Variants in CMIP observed in about 807,000 individuals in gnomAD.
The protein encoded by CMIP is c-Maf inducing protein.
CMIP carries 13 observed loss-of-function variants against 97.3 expected under a neutral mutation model. That is an observed-to-expected ratio of 0.13 (90% CI 0.09 to 0.21). The LOEUF (loss-of-function observed/expected upper bound fraction) is 0.21. CMIP is among the 10% of genes least tolerant of loss of function. The pLI is 1.00. For synonymous variants in CMIP, 538 were observed against 436.3 expected (o/e 1.23, Z -2.91); for missense variants, 847 against 1,024.9 (o/e 0.83, Z 2.37).
At chr16:81,691,109 C>T (rs77319841) in intron 10 of CMIP, among the ~76,000 whole-genome samples, 4,207 of 152,286 alleles carry the variant, frequency 0.028, 100 homozygotes, top group African/African-American at 0.061. Flanking sequence ...AAGCCCCCTA[C>T]ATTAGTTTGC....
At chr16:81,610,421 A>G (rs1597143697) in intron 2 of CMIP, 1 of 986,002 alleles carries the variant, frequency 1.0e-6, no homozygotes. Context: ...GGAGAGGAGG[A>G]AGCAGAGGAA....
Position 81,707,005 on chromosome 16 carries a change from C to A in CMIP, c.2198-9C>A, listed in dbSNP as rs1908227356. The A allele has an allele frequency of 6.2e-7, 1 of 1,613,094 alleles. No homozygotes were observed. The highest frequency in any genetic ancestry group is 1.3e-5 in the African/African-American group (1 of 74,912). ...GCTCTCCTAACAACTGTATCTGTCTCTTGTGCAGCCATGAAGAGTCTCTGC... is the reference window on the plus strand; with the variant it reads ...GCTCTCCTAACAACTGTATCTGTCTATTGTGCAGCCATGAAGAGTCTCTGC... On this transcript the variant is annotated splice_polypyrimidine_tract_variant and intron_variant, in intron 19 of 20. Transcript: ENST00000537098.
intron 1 of CMIP, among the ~76,000 whole-genome samples, chr16:81,484,939 A>G (rs898969): frequency 0.74 from 111,446 of 151,456 alleles, 41,094 homozygotes; most frequent in East Asian, 0.88. Flanking sequence ...TCCTCCTCCT[A>G]CCCCTGAAAA....
intron 1 of CMIP, among the ~76,000 whole-genome samples, chr16:81,578,803 T>TC (rs1216008555): frequency 1.3e-5 from 2 of 152,198 alleles, no homozygotes; most frequent in Admixed American, 6.5e-5. Flanking sequence ...TCGGAAAAGT[T>TC]CCATGGCAGA....
chr16:81,657,228 T>C (rs1219369537), intron 4 of CMIP, among the ~76,000 whole-genome samples: 3 of 152,184 alleles, frequency 2.0e-5, no homozygotes, highest in East Asian at 1.9e-4. Context: ...AGTCAGTTGC[T>C]AGAATTTGAA....
At chr16:81,472,034 G>A (rs557028468) in intron 1 of CMIP, among the ~76,000 whole-genome samples, 87 of 152,270 alleles carry the variant, frequency 5.7e-4, no homozygotes, top group African/African-American at 1.9e-3. Flanking sequence ...ACAGATTCAC[G>A]GACATGTACA....
chr16:81,569,650 G>A (rs1484288188), intron 1 of CMIP, among the ~76,000 whole-genome samples: 1 of 152,224 alleles, frequency 6.6e-6, no homozygotes, highest in Admixed American at 6.5e-5. Context: ...TTTCTACTGT[G>A]TAAATACTTA....
chr16:81,601,521 A>G lies in CMIP; in HGVS notation c.301-6046A>G, dbSNP rs143128659. Reference sequence around the variant, plus strand: ...GAAGATCTCTGGGGGTTCACATGGGACCCTCATGAGGTCCTTCTAGGCCCT... The same window carrying G: ...GAAGATCTCTGGGGGTTCACATGGGGCCCTCATGAGGTCCTTCTAGGCCCT... On this transcript the variant is annotated intron_variant, in intron 1 of 20. Coordinates refer to ENST00000537098, the MANE Select transcript of CMIP (RefSeq NM_198390.3). Among the ~76,000 whole-genome samples the G allele has an allele frequency of 2.4e-4, 36 of 151,942 alleles. No individual in the cohort carries two copies. In the East Asian group the frequency reaches 6.8e-3, roughly 29 times the overall value.
intron 1 of CMIP, among the ~76,000 whole-genome samples, chr16:81,602,266 C>A (rs2091670402): frequency 6.6e-6 from 1 of 152,080 alleles, no homozygotes; most frequent in African/African-American, 2.4e-5. Context: ...AAAGGCGTTA[C>A]AAAATTCTTT....
At chr16:81,539,404 G>A (rs766416571) in intron 1 of CMIP, among the ~76,000 whole-genome samples, 103 of 152,176 alleles carry the variant, frequency 6.8e-4, no homozygotes, top group Non-Finnish European at 7.8e-4. Flanking sequence ...CAGGCCCTGC[G>A]GGGATGGATG....
At chr16:81,467,658 A>G (rs1165918708) in intron 1 of CMIP, among the ~76,000 whole-genome samples, 2 of 146,560 alleles carry the variant, frequency 1.4e-5, no homozygotes, top group Admixed American at 1.4e-4. Context: ...TTGGCTCACT[A>G]CAACCTCCGC....
At chr16:81,654,051 C>G (rs1032948059) in intron 4 of CMIP, among the ~76,000 whole-genome samples, 14 of 152,268 alleles carry the variant, frequency 9.2e-5, no homozygotes, top group Admixed American at 3.9e-4. Context: ...GCTTTTGAGA[C>G]CAACTTGGCC....
chr16:81,631,351 C>T (rs1290361663), intron 3 of CMIP: 1 of 152,262 alleles, frequency 6.6e-6, no homozygotes, highest in Non-Finnish European at 1.5e-5. Flanking sequence ...CTTTTGGCCT[C>T]TTCCGTTGGA....
chr16:81,509,432 G>A (rs1234001982), intron 1 of CMIP, among the ~76,000 whole-genome samples: 1 of 152,200 alleles, frequency 6.6e-6, no homozygotes, highest in African/African-American at 2.4e-5. Context: ...ATAGGCACTT[G>A]GGTTTGACAT....
At chr16:81,635,397 G>T (rs2092221495) in intron 3 of CMIP, among the ~76,000 whole-genome samples, 1 of 152,152 alleles carries the variant, frequency 6.6e-6, no homozygotes, top group Admixed American at 6.5e-5. Flanking sequence ...TTTTTTAAAG[G>T]TATATCCTAC....
rs530213711 is a variant in CMIP, at chr16:81,616,674, G to A, written c.427-4202G>A. Among the ~76,000 whole-genome samples, 228 of 152,362 alleles carry A rather than the reference G, an allele frequency of 1.5e-3. 3 individuals carry two copies. Among genetic ancestry groups the A allele is most frequent in the African/African-American group, 5.2e-3 (218 of 41,592 alleles). On this transcript the variant is annotated intron_variant, in intron 2 of 20. Transcript: ENST00000537098. This position sits in a 1 kb window ranked among gnomAD's most constrained non-coding sequence, Gnocchi z 4.7. ...GAGAGGATCCCAGAGTGGAACAGAAGTGGCCAGAAAGCCAAGTGTGGCTGG... is the reference window on the plus strand; with the variant it reads ...GAGAGGATCCCAGAGTGGAACAGAAATGGCCAGAAAGCCAAGTGTGGCTGG...
At chr16:81,479,367 A>G (rs1314371029) in intron 1 of CMIP, among the ~76,000 whole-genome samples, 5 of 152,220 alleles carry the variant, frequency 3.3e-5, no homozygotes, top group Non-Finnish European at 5.9e-5. Flanking sequence ...GTAACATAAA[A>G]TGGGCCATTT....
At chr16:81,703,359 G>A (rs959076135) in intron 17 of CMIP, among the ~76,000 whole-genome samples, 4 of 152,022 alleles carry the variant, frequency 2.6e-5, no homozygotes, top group Admixed American at 6.5e-5. Context: ...CTCCCAGTCC[G>A]GTGCTCAGGC....
intron 1 of CMIP, among the ~76,000 whole-genome samples, chr16:81,447,721 C>G (rs963614650): frequency 2.0e-5 from 3 of 152,234 alleles, no homozygotes; most frequent in African/African-American, 2.4e-5. Context: ...CCTTTCGTCA[C>G]CAAGCACTAC....
Sources: allele counts gnomAD v4.1 joint callset (sites outside exome capture counted in the v4.1 genomes callset), GRCh38; gene constraint gnomAD v4.1.1; non-coding constraint Gnocchi (gnomAD v3.1); transcripts MANE v1.5; gene names NCBI Gene and HGNC (gene_info 2026-07-23, HGNC 2026-07-21).